Variants in TRPM3 observed in about 807,000 individuals in gnomAD.
TRPM3 encodes the protein long transient receptor potential channel 3.
TRPM3 carries 77 observed loss-of-function variants against 181.2 expected under a neutral mutation model. The observed-to-expected ratio is 0.42, with a 90% CI of 0.35 to 0.51. The LOEUF (loss-of-function observed/expected upper bound fraction) is 0.51, where lower values mean the gene tolerates loss of function less well. TRPM3 is among the 20% of genes least tolerant of loss of function. The probability of loss-of-function intolerance (pLI) is 0.01; values close to 1 mark genes in which losing one functional copy is unlikely to be tolerated. For synonymous variants in TRPM3, 745 were observed against 796.4 expected (o/e 0.94, Z 1.09); for missense variants, 1,759 against 2,196.7 (o/e 0.80, Z 3.98).
At chr9:70,788,046 T>C (rs531786654) in intron 6 of TRPM3, among the ~76,000 whole-genome samples, 35 of 147,418 alleles carry the variant, frequency 2.4e-4, no homozygotes, top group Admixed American at 1.4e-3. Flanking sequence ...AGTTTTAGGG[T>C]ACATATGCAC....
chr9:70,940,238 G>C (rs996367140), intron 1 of TRPM3, among the ~76,000 whole-genome samples: 2 of 152,126 alleles, frequency 1.3e-5, no homozygotes, highest in Admixed American at 1.3e-4. Context: ...CCAATTTATT[G>C]AGAAGGAAAC....
intron 1 of TRPM3, among the ~76,000 whole-genome samples, chr9:71,320,648 C>T (rs1251335327): frequency 3.3e-5 from 5 of 152,106 alleles, no homozygotes; most frequent in African/African-American, 1.2e-4. Flanking sequence ...ACATGCAGCC[C>T]TCTTCTTTCT....
chr9:70,982,400 T>C (rs2097372146), intron 1 of TRPM3, among the ~76,000 whole-genome samples: 1 of 152,188 alleles, frequency 6.6e-6, no homozygotes, highest in Non-Finnish European at 1.5e-5. Context: ...ACAAATCCAC[T>C]GACCTAGACA....
chr9:71,086,900 T>C (rs1163340477), intron 1 of TRPM3, among the ~76,000 whole-genome samples: 1 of 152,026 alleles, frequency 6.6e-6, no homozygotes, highest in Non-Finnish European at 1.5e-5. Context: ...AAATTTACAC[T>C]CTCGGCACTT....
chr9:70,779,151 C>A, intron 7 of TRPM3, among the ~76,000 whole-genome samples: 1 of 151,172 alleles, frequency 6.6e-6, no homozygotes, highest in Non-Finnish European at 1.5e-5. Context: ...TATCTATTCT[C>A]CTGCTCCCAA....
At chr9:71,277,311 GT>G (rs1453689140) in intron 1 of TRPM3, among the ~76,000 whole-genome samples, 1 of 152,112 alleles carries the variant, frequency 6.6e-6, no homozygotes, top group African/African-American at 2.4e-5. Context: ...AAATGTATTT[GT>G]TTTCCTGAGT....
At chr9:71,230,612 A>G (rs934080050) in intron 1 of TRPM3, among the ~76,000 whole-genome samples, 11 of 152,204 alleles carry the variant, frequency 7.2e-5, no homozygotes, top group African/African-American at 2.7e-4. Context: ...CACAAAATTA[A>G]AAATTAAAGT....
chr9:71,300,512 CTTTT>C (rs200428173), intron 1 of TRPM3, among the ~76,000 whole-genome samples: 1 of 149,436 alleles, frequency 6.7e-6, no homozygotes. Context: ...TGACATTAAA[CTTTT>C]TTTTTTAACT....
chr9:71,073,558 T>C (rs1227539046), intron 1 of TRPM3, among the ~76,000 whole-genome samples: 1 of 152,196 alleles, frequency 6.6e-6, no homozygotes, highest in Non-Finnish European at 1.5e-5. Flanking sequence ...CTACTGCTGA[T>C]GTTCCAAAAT....
intron 1 of TRPM3, among the ~76,000 whole-genome samples, chr9:71,048,628 T>C (rs965569441): frequency 6.6e-6 from 1 of 152,216 alleles, no homozygotes; most frequent in Admixed American, 6.5e-5. Context: ...GGTAGAACCA[T>C]GTTCCACTCA....
chr9:70,998,868 AC>A (rs1438514260), intron 1 of TRPM3, among the ~76,000 whole-genome samples: 27 of 152,042 alleles, frequency 1.8e-4, no homozygotes, highest in Admixed American at 1.8e-3. Flanking sequence ...TCCTCTTTAA[AC>A]TTTTACTTTC....
At position 70,915,906 on chromosome 9, in the gene TRPM3, C is replaced by A. The variant is rs373912487; in HGVS notation, c.178-51395G>T. On this transcript the variant is annotated intron_variant, in intron 1 of 25. Transcript: ENST00000677713. Reference sequence around the variant, plus strand: ...TACAAGAAGGTTACAGAACACCAAGCAGATTTGATCCAAAGAAGACTACTC... The same window carrying A: ...TACAAGAAGGTTACAGAACACCAAGAAGATTTGATCCAAAGAAGACTACTC... Among the ~76,000 whole-genome samples the A allele has an allele frequency of 2.0e-5, 3 of 151,944 alleles. No homozygotes were observed. In the East Asian group the frequency reaches 5.8e-4, roughly 29 times the overall value.
intron 22 of TRPM3, among the ~76,000 whole-genome samples, chr9:70,558,149 C>G (rs2048190700): frequency 6.6e-6 from 1 of 152,116 alleles, no homozygotes; most frequent in African/African-American, 2.4e-5. Context: ...GTTCTCTTTT[C>G]ACAATACAAC....
chr9:70,656,863 T>G (rs1348913529), intron 9 of TRPM3, among the ~76,000 whole-genome samples: 2 of 152,034 alleles, frequency 1.3e-5, no homozygotes, highest in African/African-American at 2.4e-5. Context: ...TTAAAGGTTA[T>G]GTATAAAACA....
rs2041025087 is a variant in TRPM3 at position 70,532,525 on chromosome 9, A to C, written c.*3428T>G. 1 of 152,188 alleles carries C rather than the reference A, an allele frequency of 6.6e-6. No individual in the cohort carries two copies. Among genetic ancestry groups the C allele is most frequent in the South Asian group, 2.1e-4 (1 of 4,826 alleles). 9.4% of individuals were successfully genotyped at this position (152,188 alleles called of 1,614,324 possible). On this transcript the variant is annotated 3_prime_UTR_variant, in exon 26 of 26. Transcript: ENST00000677713. Reference sequence around the variant, plus strand: ...AATACAAACTAGTCATGAAAATTGTACCCAAGCTTTCCAGCTCCTCATTCA... The same window carrying C: ...AATACAAACTAGTCATGAAAATTGTCCCCAAGCTTTCCAGCTCCTCATTCA...
chr9:70,852,105 C>A lies in TRPM3; in HGVS notation c.463-5514G>T, dbSNP rs1352091707. On this transcript the variant is annotated intron_variant, in intron 3 of 25. Coordinates refer to ENST00000677713, the MANE Select transcript of TRPM3 (RefSeq NM_001366145.2). ...CTGCACCACTGCACTCCAGCCCGGGCGACAAGAGCAAGACTCTATCTCCAA... is the reference window on the plus strand; with the variant it reads ...CTGCACCACTGCACTCCAGCCCGGGAGACAAGAGCAAGACTCTATCTCCAA... 3.6e-5 allele frequency among the ~76,000 whole-genome samples: 4 copies of A among 112,120 alleles called. No homozygotes were observed. The Admixed American group carries it at 5.5e-4, about 15-fold the overall frequency. 73.6% of individuals were successfully genotyped at this position (112,120 alleles called of 152,430 possible).
intron 1 of TRPM3, among the ~76,000 whole-genome samples, chr9:71,003,398 G>A (rs1321799859): frequency 1.7e-5 from 2 of 115,442 alleles, no homozygotes; most frequent in African/African-American, 5.5e-5. Context: ...ATAATTTTGT[G>A]CATATGGTTT....
chr9:70,689,793 A>G (rs536131817), intron 8 of TRPM3, among the ~76,000 whole-genome samples: 1 of 152,238 alleles, frequency 6.6e-6, no homozygotes, highest in African/African-American at 2.4e-5. Context: ...AGAAACATGG[A>G]AATAATTTTA....
intron 14 of TRPM3, among the ~76,000 whole-genome samples, chr9:70,621,559 G>T (rs897957764): frequency 2.6e-4 from 39 of 152,044 alleles, no homozygotes; most frequent in African/African-American, 9.2e-4. Flanking sequence ...TAGAGATGGG[G>T]TCTCACTATG....
Sources: gnomAD v4.1 joint callset for allele counts (sites outside exome capture counted in the v4.1 genomes callset) on GRCh38, gnomAD v4.1.1 for gene constraint, MANE v1.5 for transcripts, NCBI Gene and HGNC (gene_info 2026-07-23, HGNC 2026-07-21) for gene names.